RNF220: variants seen among roughly 807,000 people sequenced by gnomAD.
RNF220 encodes the protein E3 ubiquitin-protein ligase RNF220.
In RNF220, 7 loss-of-function variants were observed where a neutral mutation model predicts 67.1. The observed-to-expected ratio is 0.10, with a 90% CI of 0.06 to 0.20. The LOEUF is 0.20. RNF220 is among the 10% of genes least tolerant of loss of function. The pLI is 1.00. For synonymous variants in RNF220, 270 were observed against 283.2 expected (o/e 0.95, Z 0.47); for missense variants, 565 against 740.3 (o/e 0.76, Z 2.75).
chr1:44,458,190 G>A (rs936410213), intron 2 of RNF220, among the ~76,000 whole-genome samples: 6 of 151,974 alleles, frequency 3.9e-5, no homozygotes, highest in African/African-American at 1.2e-4. Context: ...TTGAACCCAG[G>A]CGTTACAGTG....
rs1442652097 is a variant in RNF220, at chr1:44,412,426, G to A, written c.329G>A (p.Ser110Asn). ...CCAAATCTAGATTGCACCCCAATCA[G>A]TATGCTGAATCATAGTGGTGTGGGG... ...APPNLDCTPI[S>N]MLNHSGVGAF... Residue 110 changes from serine (S) to asparagine (N), a missense_variant, in exon 2 of 15, where the codon AGT (serine) becomes AAT (asparagine). Physicochemically the swap from Ser to Asn is conservative, Grantham distance 46. Transcript: ENST00000361799. This position sits in a 1 kb window ranked among gnomAD's most constrained non-coding sequence, Gnocchi z 5.3. 1 of 1,612,974 alleles carries A rather than the reference G, an allele frequency of 6.2e-7. No individual in the cohort carries two copies. Among genetic ancestry groups the A allele is most frequent in the Non-Finnish European group, 8.5e-7 (1 of 1,179,120 alleles).
chr1:44,606,216 A>T lies in RNF220; in HGVS notation c.626-7949A>T, dbSNP rs1667264329. On this transcript the variant is annotated intron_variant, in intron 2 of 14. Coordinates refer to ENST00000361799, the MANE Select transcript of RNF220 (RefSeq NM_018150.4). This position sits in a 1 kb window ranked among gnomAD's most constrained non-coding sequence, Gnocchi z 4.2. ...ATTGCTCTGGCCCGGAGACTGGGGA[A>T]TGCCAATATACGATGACAGATCACA... Among the ~76,000 whole-genome samples the T allele has an allele frequency of 6.6e-6, 1 of 152,256 alleles. No homozygotes were observed. The highest frequency in any genetic ancestry group is 1.5e-5 in the Non-Finnish European group (1 of 68,044).
chr1:44,650,520 G>A lies in RNF220; in HGVS notation c.1630-184G>A, dbSNP rs111249143. 667 of 619,990 alleles carry A rather than the reference G, an allele frequency of 1.1e-3. 4 individuals are homozygous for A. Among genetic ancestry groups the A allele is most frequent in the African/African-American group, 0.011 (587 of 54,660 alleles). The allele number at this position is 619,990 out of a possible 1,614,324, so 38.4% of individuals were successfully genotyped here. On this transcript the variant is annotated intron_variant, in intron 14 of 14. Transcript: ENST00000361799. The surrounding 1 kb of genome is among the most constrained non-coding windows in gnomAD (Gnocchi z 4.3). The stretch of plus-strand genomic sequence containing the variant: ...GCTGGCCAGGCGGTTTGATCCTGGC[G>A]TCCCCCCAACACAGGAGCGTGCCTG...
intron 2 of RNF220, among the ~76,000 whole-genome samples, chr1:44,559,124 G>C (rs1301212532): frequency 6.6e-6 from 1 of 152,224 alleles, no homozygotes; most frequent in African/African-American, 2.4e-5. Flanking sequence ...TCTCGCTCCA[G>C]AACCTCACTT....
intron 2 of RNF220, among the ~76,000 whole-genome samples, chr1:44,605,307 A>G (rs1261405952): frequency 6.9e-6 from 1 of 143,908 alleles, no homozygotes; most frequent in African/African-American, 2.6e-5. Flanking sequence ...AAAAAAAAAA[A>G]AAAAAGAAAA....
chr1:44,614,323 C>A, intron 3 of RNF220, 26 bp downstream of exon 3: 1 of 1,610,854 alleles, frequency 6.2e-7, no homozygotes, highest in African/African-American at 1.3e-5. Context: ...GGGAGCCTGC[C>A]TGCTGGAGGA....
At chr1:44,407,316 G>A (rs1218691258) in intron 1 of RNF220, among the ~76,000 whole-genome samples, 2 of 152,354 alleles carry the variant, frequency 1.3e-5, no homozygotes, top group East Asian at 3.9e-4. Flanking sequence ...GCGGCAGTGA[G>A]GAAGCAGCGA....
chr1:44,636,496 C>T, intron 8 of RNF220: 1 of 715,830 alleles, frequency 1.4e-6, no homozygotes, highest in South Asian at 1.5e-5. Context: ...GCATTTATCA[C>T]TCCATCCCTC....
At chr1:44,512,732 C>G (rs1301381560) in intron 2 of RNF220, among the ~76,000 whole-genome samples, 2 of 152,166 alleles carry the variant, frequency 1.3e-5, no homozygotes, top group Admixed American at 1.3e-4. Context: ...GAGAGGCATG[C>G]TGGGCAGCCT....
At chr1:44,508,222 C>G (rs887379656) in intron 2 of RNF220, among the ~76,000 whole-genome samples, 1 of 151,254 alleles carries the variant, frequency 6.6e-6, no homozygotes, top group African/African-American at 2.4e-5. Flanking sequence ...TCGGGCCAGG[C>G]GGGGGACCCC....
intron 2 of RNF220, among the ~76,000 whole-genome samples, chr1:44,484,573 A>G (rs921660518): frequency 6.6e-6 from 1 of 151,966 alleles, no homozygotes; most frequent in Non-Finnish European, 1.5e-5. Flanking sequence ...GGCAGAGGCC[A>G]CTCCATGAAC....
At chr1:44,528,811 AC>A (rs1660610201) in intron 2 of RNF220, among the ~76,000 whole-genome samples, 1 of 150,672 alleles carries the variant, frequency 6.6e-6, no homozygotes. Context: ...ATGGGGTTTC[AC>A]CATGCTTGTC....
At chr1:44,620,343 A>C (rs1036578402) in intron 3 of RNF220, among the ~76,000 whole-genome samples, 6 of 152,210 alleles carry the variant, frequency 3.9e-5, no homozygotes, top group East Asian at 1.9e-4. Context: ...ATCATTGTTC[A>C]TTCCTTCCTT....
At chr1:44,407,004 C>G (rs904558958) in intron 1 of RNF220, among the ~76,000 whole-genome samples, 1 of 152,214 alleles carries the variant, frequency 6.6e-6, no homozygotes, top group Non-Finnish European at 1.5e-5. Context: ...TTAAGCACAC[C>G]CTGCATTCTC....
chr1:44,512,270 C>T, intron 2 of RNF220, among the ~76,000 whole-genome samples: 1 of 152,094 alleles, frequency 6.6e-6, no homozygotes, highest in Non-Finnish European at 1.5e-5. Flanking sequence ...AGGAACAATT[C>T]AGGAACCTGA....
rs867755827 is a variant in RNF220, at chr1:44,454,392, A to G, written c.625+41670A>G. 3.3e-5 allele frequency among the ~76,000 whole-genome samples: 5 copies of G among 152,160 alleles called. No individual in the cohort carries two copies. The South Asian group carries it at 1.0e-3, about 32-fold the overall frequency. ...TGGAAAATCATGGAATTTCATGTAG[A>G]TTTTCATTTCTTTAAGAGTAAAGTC... is the stretch of plus-strand genomic sequence containing the variant. On this transcript the variant is annotated intron_variant, in intron 2 of 14. Coordinates refer to ENST00000361799, the MANE Select transcript of RNF220 (RefSeq NM_018150.4).
chr1:44,561,848 T>C (rs1472319176), intron 2 of RNF220, among the ~76,000 whole-genome samples: 2 of 151,992 alleles, frequency 1.3e-5, no homozygotes, highest in African/African-American at 2.4e-5. Context: ...ACTCAGGAGG[T>C]TGAGGCTACT....
intron 2 of RNF220, among the ~76,000 whole-genome samples, chr1:44,442,592 G>A (rs1379820669): frequency 6.8e-6 from 1 of 146,248 alleles, no homozygotes; most frequent in Non-Finnish European, 1.5e-5. Flanking sequence ...TCGCCTCACT[G>A]CAGCTTTGAC....
In RNF220 at chr1:44,586,747, C is replaced by T. The variant is rs574886998; in HGVS notation, c.626-27418C>T. Among the ~76,000 whole-genome samples the T allele has an allele frequency of 2.6e-4, 40 of 152,142 alleles. No homozygotes were observed. In the South Asian group the frequency reaches 5.0e-3, roughly 19 times the overall value. On this transcript the variant is annotated intron_variant, in intron 2 of 14. Transcript: ENST00000361799. ...CGCTCTCGTGGCAAAAATGCAAGAG[C>T]GAGAGGAATATCGCAAGGGCAAGGT...
Sources: gnomAD v4.1 joint callset for allele counts (sites outside exome capture counted in the v4.1 genomes callset) on GRCh38, gnomAD v4.1.1 for gene constraint, Gnocchi (gnomAD v3.1) non-coding constraint, MANE v1.5 for transcripts, NCBI Gene and HGNC (gene_info 2026-07-23, HGNC 2026-07-21) for gene names.